Variants in GDPD3 observed in about 807,000 individuals in gnomAD.
The protein encoded by GDPD3 is lysophospholipase D GDPD3.
A neutral mutation model predicts 43.7 loss-of-function variants in GDPD3; 40 were observed. That is an observed-to-expected ratio of 0.91 (90% CI 0.71 to 1.19). The LOEUF is 1.19. GDPD3 is among the 50% of genes most tolerant of loss of function. GDPD3 has a pLI of 0.00. For missense variants in GDPD3, 363 were observed against 415.8 expected (o/e 0.87, Z 1.11); for synonymous variants, 145 against 162.9 (o/e 0.89, Z 0.84).
chr16:30,109,071 C>T (rs1405876304), intron 7 of GDPD3, among the ~76,000 whole-genome samples: 1 of 152,080 alleles, frequency 6.6e-6, no homozygotes, highest in Non-Finnish European at 1.5e-5. Context: ...ACTTTGTGAT[C>T]CGCCCGCCTT....
At position 30,104,954 on chromosome 16, in the gene GDPD3, C is replaced by T. The variant is rs1335318328; in HGVS notation, c.875G>A (p.Gly292Glu). The T allele has an allele frequency of 1.2e-6, 2 of 1,612,826 alleles. No homozygotes were observed. The highest frequency in any genetic ancestry group is 1.7e-5 in the Admixed American group (1 of 60,002). ...ESDFEAAFSV[G>E]ATGVITDYPT... ...ATAATCCGTTATGACGCCAGTGGCT[C>T]CCACGCTGAAGGCTGCTTCAAAATC... The change falls in exon 10 of 10, where the codon GGA (glycine) becomes GAA (glutamate). Residue 292 changes from glycine to glutamate, a missense_variant. Transcript: ENST00000406256.
intron 9 of GDPD3, among the ~76,000 whole-genome samples, chr16:30,106,722 T>A (rs1230109630): frequency 6.6e-6 from 1 of 152,092 alleles, no homozygotes; most frequent in Non-Finnish European, 1.5e-5. Context: ...TATTTATTTA[T>A]TTTTGAGACA....
chr16:30,108,002 C>T, intron 9 of GDPD3: 1 of 468,222 alleles, frequency 2.1e-6, no homozygotes, highest in East Asian at 3.8e-5. Flanking sequence ...CACACACACA[C>T]ACACACACAC....
chr16:30,107,161 C>T (rs1000228969), intron 9 of GDPD3, among the ~76,000 whole-genome samples: 2 of 152,124 alleles, frequency 1.3e-5, no homozygotes, highest in African/African-American at 2.4e-5. Flanking sequence ...AGTGCAGTGG[C>T]GTGATTCTGA....
rs17842267 is a variant in GDPD3 at position 30,113,525 on chromosome 16, G to A, written c.-47C>T. The A allele has an allele frequency of 3.1e-4, 465 of 1,489,962 alleles. 3 individuals are homozygous for A. The East Asian group carries it at 0.01, about 33-fold the overall frequency. 92.3% of individuals were successfully genotyped at this position (1,489,962 alleles called of 1,614,324 possible). A position where few individuals can be genotyped will look rare whatever the true frequency, so the allele number is the denominator to read the frequency against. The stretch of plus-strand genomic sequence containing the variant: ...CCTGCAGCCACACGCTCAGCCGTCC[G>A]CGGGACTGTGCTGCCTGCCTAGCCA... On this transcript the variant is annotated 5_prime_UTR_variant, in exon 1 of 10. Transcript: ENST00000406256. The surrounding 1 kb of genome is among the most constrained non-coding windows in gnomAD (Gnocchi z 5.9).
chr16:30,112,346 C>A lies in GDPD3; in HGVS notation c.443G>T (p.Ser148Ile), dbSNP rs1390746272. 1 of 1,614,210 alleles carries A rather than the reference C, an allele frequency of 6.2e-7. No individual in the cohort carries two copies. The highest frequency in any genetic ancestry group is 8.5e-7 in the Non-Finnish European group (1 of 1,180,034). The stretch of plus-strand genomic sequence containing the variant: ...TTCGTTCTTCCCTTTGATCTCTACG[C>A]TCATGGGTGTCCTTGGAAACCTCTG... ...LFQRFPRTPM[S>I]VEIKGKNEEL... Residue 148 changes from serine to isoleucine, a missense_variant, in exon 5 of 10, where the codon AGC becomes ATC. By Grantham distance (142) the Ser-to-Ile change is moderately radical. Coordinates refer to ENST00000406256, the MANE Select transcript of GDPD3 (RefSeq NM_024307.3). This position sits in a 1 kb window ranked among gnomAD's most constrained non-coding sequence, Gnocchi z 5.4.
In GDPD3 at chr16:30,112,226, G is replaced by GAGGAGGAGA; in HGVS notation, c.484-14_484-6dup. On this transcript the variant is annotated splice_polypyrimidine_tract_variant and splice_region_variant and intron_variant, in intron 5 of 9. Transcript: ENST00000406256. The surrounding 1 kb of genome is among the most constrained non-coding windows in gnomAD (Gnocchi z 5.4). ...GCGTCTCACCAAGCCTGCTATCTGGGAGGAGGAGAAGGAGGTGAAGGGAGA... is the reference window on the plus strand; with the variant it reads ...GCGTCTCACCAAGCCTGCTATCTGGGAGGAGGAGAAGGAGGAGAAGGAGGTGAAGGGAGA... 6.2e-7 allele frequency: 1 copy of GAGGAGGAGA among 1,602,662 alleles called. No homozygotes were observed.
intron 6 of GDPD3, 104 bp from the exon 7 acceptor site, chr16:30,111,625 C>T: frequency 8.0e-7 from 1 of 1,251,816 alleles, no homozygotes; most frequent in African/African-American, 1.5e-5. Context: ...GGCCCTACTA[C>T]CTGCAGGATC....
rs1217197044 is a variant in GDPD3 at position 30,104,923 on chromosome 16, T to A, written c.906A>T (p.Thr302=). Residue 302 remains threonine, a synonymous_variant, in exon 10 of 10, where the codon ACA becomes ACT. Transcript: ENST00000406256. ...GATGVITDYP[T]ALRHYLDNHG... ...GGTTGTCCAGGTAGTGCCGCAGGGCTGTGGGATAATCCGTTATGACGCCAG... is the reference window on the plus strand; with the variant it reads ...GGTTGTCCAGGTAGTGCCGCAGGGCAGTGGGATAATCCGTTATGACGCCAG... 1 of 1,612,782 alleles carries A rather than the reference T, an allele frequency of 6.2e-7. No individual in the cohort carries two copies. The highest frequency in any genetic ancestry group is 2.2e-5 in the East Asian group (1 of 44,888).
At chr16:30,105,493 ATTAT>A (rs143444520) in intron 9 of GDPD3, among the ~76,000 whole-genome samples, 9 of 150,750 alleles carry the variant, frequency 6.0e-5, no homozygotes, top group East Asian at 2.0e-4. Flanking sequence ...TGACAATTAA[ATTAT>A]TTATTTATTT....
intron 7 of GDPD3, among the ~76,000 whole-genome samples, chr16:30,109,349 A>C (rs922484859): frequency 1.3e-5 from 2 of 152,210 alleles, no homozygotes; most frequent in African/African-American, 4.8e-5. Context: ...GTCTCTACTA[A>C]AAATACAAAA....
At chr16:30,107,280 A>C (rs974935102) in intron 9 of GDPD3, among the ~76,000 whole-genome samples, 1 of 151,466 alleles carries the variant, frequency 6.6e-6, no homozygotes, top group African/African-American at 2.4e-5. Flanking sequence ...CTAATTTTTA[A>C]ATTTTTTGTA....
In GDPD3 at chr16:30,112,122, G is replaced by A. The variant is rs1347496044; in HGVS notation, c.573+10C>T. Reference sequence around the variant, plus strand: ...GAGGAAGAGGACGGGGGAGGGGTGGGGGGACTCACGGCAGCCTTGCATTTC... The same window carrying A: ...GAGGAAGAGGACGGGGGAGGGGTGGAGGGACTCACGGCAGCCTTGCATTTC... On this transcript the variant is annotated intron_variant, in intron 6 of 9. Transcript: ENST00000406256. The surrounding 1 kb of genome is among the most constrained non-coding windows in gnomAD (Gnocchi z 5.4). 1 of 1,609,670 alleles carries A rather than the reference G, an allele frequency of 6.2e-7. No homozygotes were observed. The highest frequency in any genetic ancestry group is 8.5e-7 in the Non-Finnish European group (1 of 1,176,592).
chr16:30,110,820 A>C (rs1045308758), intron 7 of GDPD3: 3 of 139,854 alleles, frequency 2.1e-5, no homozygotes, highest in African/African-American at 8.3e-5. Flanking sequence ...GCAGTGAGTC[A>C]TGATCTGGCC....
intron 9 of GDPD3, 44 bp from the exon 10 acceptor site, chr16:30,105,053 C>T (rs1648044605): frequency 1.3e-6 from 2 of 1,542,694 alleles, no homozygotes; most frequent in Non-Finnish European, 1.8e-6. Context: ...AACAATTTTA[C>T]ATCTGGAGAG....
chr16:30,105,146 A>T, intron 9 of GDPD3, 137 bp from the exon 10 acceptor site: 1 of 729,448 alleles, frequency 1.4e-6, no homozygotes, highest in Non-Finnish European at 2.2e-6. Flanking sequence ...AATTTTGCAA[A>T]GTGGTTATTA....
At chr16:30,105,526 A>G (rs2072853120) in intron 9 of GDPD3, among the ~76,000 whole-genome samples, 1 of 150,276 alleles carries the variant, frequency 6.7e-6, no homozygotes, top group Admixed American at 6.6e-5. Context: ...ATTTTTTGAG[A>G]TGGAGTCTTG....
In GDPD3 at chr16:30,113,010, A is replaced by G. The variant is rs1238592923; in HGVS notation, c.182+12T>C. The G allele has an allele frequency of 6.2e-7, 1 of 1,612,136 alleles. No individual in the cohort carries two copies. ...CTCACATGGCAGCCTGGGCAGGGGC[A>G]GATACACTCACTTCTCCATGGCCTC... On this transcript the variant is annotated intron_variant, in intron 2 of 9. Transcript: ENST00000406256. The surrounding 1 kb of genome is among the most constrained non-coding windows in gnomAD (Gnocchi z 5.9).
At chr16:30,108,639 C>T (rs932254402) in intron 7 of GDPD3, 3 of 556,740 alleles carry the variant, frequency 5.4e-6, no homozygotes, top group South Asian at 4.1e-5. Flanking sequence ...GGGTGTGGCC[C>T]TCCAGTCACC....
Sources: gnomAD v4.1 joint callset for allele counts (sites outside exome capture counted in the v4.1 genomes callset) on GRCh38, gnomAD v4.1.1 for gene constraint, Gnocchi (gnomAD v3.1) non-coding constraint, MANE v1.5 for transcripts, NCBI Gene and HGNC (gene_info 2026-07-23, HGNC 2026-07-21) for gene names.